CYP4F2: variants seen among roughly 807,000 people sequenced by gnomAD.
CYP4F2 encodes the protein cytochrome P450 family 4 subfamily F member 2, also known as cytochrome P450 4F2.
Under a neutral mutation model 58.9 loss-of-function variants are expected in CYP4F2, and 58 were observed. The observed-to-expected ratio is 0.98, with a 90% CI of 0.80 to 1.23. CYP4F2 has a LOEUF of 1.23. CYP4F2 is among the 50% of genes most tolerant of loss of function. The pLI is 0.00. For missense variants in CYP4F2, 616 were observed against 685.6 expected (o/e 0.90, Z 1.13); for synonymous variants, 287 against 261.1 (o/e 1.10, Z -0.95).
At chr19:15,886,798 G>T (rs919133706) in intron 7 of CYP4F2, among the ~76,000 whole-genome samples, 1 of 152,086 alleles carries the variant, frequency 6.6e-6, no homozygotes, top group African/African-American at 2.4e-5. Flanking sequence ...CTCTCACAAA[G>T]CTACCATTCT....
intron 2 of CYP4F2, among the ~76,000 whole-genome samples, chr19:15,896,968 G>A (rs754065934): frequency 2.6e-5 from 4 of 152,286 alleles, no homozygotes; most frequent in South Asian, 2.1e-4. Flanking sequence ...AGGTGCCTTC[G>A]GGTGTAGTGG....
At chr19:15,897,979 A>G in intron 1 of CYP4F2, 47 bp downstream of exon 1, 1 of 248,946 alleles carries the variant, frequency 4.0e-6, no homozygotes. Flanking sequence ...GCCCCTCTCC[A>G]TCCCAGGCCA....
rs1285037357 is a variant in CYP4F2, at chr19:15,885,085, C to T, written c.1115+839G>A. Among the ~76,000 whole-genome samples, 3 of 150,560 alleles carry T rather than the reference C, an allele frequency of 2.0e-5. No individual in the cohort carries two copies. The East Asian group carries it at 5.8e-4, about 29-fold the overall frequency. On this transcript the variant is annotated intron_variant, in intron 9 of 12. Transcript: ENST00000221700. ...TCTCCTCCTTTCTGTCCTGACCCTG[C>T]TCTCTCTCTCTCTCCTTCTCTCTCT...
In CYP4F2 at chr19:15,890,338, G is replaced by C; in HGVS notation, c.621C>G (p.Val207=). 1 of 1,614,136 alleles carries C rather than the reference G, an allele frequency of 6.2e-7. No homozygotes were observed. Among genetic ancestry groups the C allele is most frequent in the Non-Finnish European group, 8.5e-7 (1 of 1,180,006 alleles). ...LMTLDSLQKC[V]FSFDSHCQEK... Reference sequence around the variant, plus strand: ...CCTGACAATGGCTGTCAAAGCTGAAGACACATTTCTGTAGACTGTCCAAGG... The same window carrying C: ...CCTGACAATGGCTGTCAAAGCTGAACACACATTTCTGTAGACTGTCCAAGG... Residue 207 remains valine (V), a synonymous_variant, in exon 6 of 13, where the codon GTC becomes GTG. Transcript: ENST00000221700.
intron 2 of CYP4F2, 70 bp from the exon 3 acceptor site, chr19:15,895,720 G>T: frequency 2.6e-6 from 4 of 1,527,078 alleles, no homozygotes; most frequent in African/African-American, 2.9e-5. Context: ...CTGGGCTAAG[G>T]GATGCCCAGG....
intron 3 of CYP4F2, chr19:15,893,728 G>A (rs758154): frequency 0.81 from 178,871 of 219,866 alleles, 73,016 homozygotes; most frequent in East Asian, 0.99. Context: ...TGGCCAGTGC[G>A]ATGTCTACCT....
intron 8 of CYP4F2, 37 bp downstream of exon 8, chr19:15,886,205 C>T (rs1235397906): frequency 6.2e-7 from 1 of 1,613,480 alleles, no homozygotes; most frequent in African/African-American, 1.3e-5. Flanking sequence ...AGGGAGAGAT[C>T]CCGGTCCCCT....
chr19:15,880,452 C>A (rs938735437), intron 9 of CYP4F2, among the ~76,000 whole-genome samples: 4 of 151,968 alleles, frequency 2.6e-5, no homozygotes, highest in African/African-American at 9.7e-5. Flanking sequence ...CACAGTGAAA[C>A]CCCGTCTCTA....
chr19:15,886,497 C>G (rs1311475378), intron 7 of CYP4F2, 189 bp from the exon 8 acceptor site: 1 of 630,276 alleles, frequency 1.6e-6, no homozygotes, highest in African/African-American at 1.8e-5. Context: ...TGGCCTTCCT[C>G]TCTGGCTTCC....
At chr19:15,896,171 GTCCA>G (rs751304807) in intron 2 of CYP4F2, among the ~76,000 whole-genome samples, 9 of 150,106 alleles carry the variant, frequency 6.0e-5, no homozygotes, top group Non-Finnish European at 1.0e-4. Flanking sequence ...CTACGTGCCT[GTCCA>G]TCCATCCATC....
chr19:15,897,731 G>A, intron 1 of CYP4F2, 119 bp from the exon 2 acceptor site: 2 of 1,273,080 alleles, frequency 1.6e-6, no homozygotes, highest in South Asian at 2.7e-5. Flanking sequence ...GGAGGGCTCA[G>A]GGATGGGTAA....
intron 9 of CYP4F2, among the ~76,000 whole-genome samples, chr19:15,882,258 A>AAG (rs944919706): frequency 6.6e-6 from 1 of 151,812 alleles, no homozygotes; most frequent in Admixed American, 6.6e-5. Context: ...AATGAAAAAA[A>AAG]AAAGAAAGAA....
Position 15,895,620 on chromosome 19 carries a change from G to A in CYP4F2, c.229C>T (p.Leu77=), listed in dbSNP as rs767166853. ...VNPTEEGMRV[L]TQLVATYPQG... The stretch of plus-strand genomic sequence containing the variant: ...GGGTAGGTGGCCACCAGCTGAGTCA[G>A]AACTCTCATGCCCTCCTCTGTGGGG... Residue 77 remains leucine (L), a synonymous_variant, in exon 3 of 13, where the codon CTG becomes TTG. Coordinates refer to ENST00000221700, the MANE Select transcript of CYP4F2 (RefSeq NM_001082.5). 5.1e-5 allele frequency: 82 copies of A among 1,597,538 alleles called. 1 individual carries two copies. In the Admixed American group the frequency reaches 1.4e-3, roughly 27 times the overall value.
intron 5 of CYP4F2, among the ~76,000 whole-genome samples, chr19:15,891,727 C>T (rs3093140): frequency 6.6e-6 from 1 of 152,122 alleles, no homozygotes; most frequent in Non-Finnish European, 1.5e-5. Context: ...CATGGCGCGC[C>T]TTCTGGAAGG....
chr19:15,895,421 G>A, intron 3 of CYP4F2, 85 bp downstream of exon 3: 1 of 1,420,354 alleles, frequency 7.0e-7, no homozygotes, highest in Non-Finnish European at 9.3e-7. Flanking sequence ...AGAGGCCAGA[G>A]TACTGCAGGG....
Position 15,888,716 on chromosome 19 carries a change from AACATAG to A in CYP4F2, c.918+701_918+706del, listed in dbSNP as rs1344333119. Among the ~76,000 whole-genome samples the A allele has an allele frequency of 5.3e-5, 8 of 152,230 alleles. No homozygotes were observed. In the East Asian group the frequency reaches 1.3e-3, roughly 26 times the overall value. On this transcript the variant is annotated intron_variant, in intron 7 of 12. Transcript: ENST00000221700. ...TCAGACACAACTACTGATAGACATA[AACATAG>A]ACATAGACAGAAACAGACACAAGCA...
At chr19:15,885,398 G>C (rs1041793832) in intron 9 of CYP4F2, among the ~76,000 whole-genome samples, 3 of 152,168 alleles carry the variant, frequency 2.0e-5, no homozygotes, top group Non-Finnish European at 2.9e-5. Context: ...CAGGTCTCCA[G>C]AGCACAGAAA....
intron 3 of CYP4F2, among the ~76,000 whole-genome samples, chr19:15,895,154 G>C (rs892238632): frequency 6.6e-6 from 1 of 152,158 alleles, no homozygotes; most frequent in Non-Finnish European, 1.5e-5. Context: ...CAGAGACCTT[G>C]TTCTTCCCTG....
rs199919720 is a variant in CYP4F2, at chr19:15,886,061, G to A, written c.986-8C>T. 6.8e-6 allele frequency: 11 copies of A among 1,612,392 alleles called. No individual in the cohort carries two copies. Among genetic ancestry groups the A allele is most frequent in the Non-Finnish European group, 9.3e-6 (11 of 1,179,134 alleles). On this transcript the variant is annotated splice_region_variant and splice_polypyrimidine_tract_variant and intron_variant, in intron 8 of 12. Transcript: ENST00000221700. ...TGGCCGTGGTGTCATGGCCTGGGGG[G>A]CAGCAAGGCAGGCTTGGGTCTCTGG...
Sources: gnomAD v4.1 joint callset for allele counts (sites outside exome capture counted in the v4.1 genomes callset) on GRCh38, gnomAD v4.1.1 for gene constraint, MANE v1.5 for transcripts, NCBI Gene and HGNC (gene_info 2026-07-23, HGNC 2026-07-21) for gene names.